UBE2R2: variants seen among roughly 807,000 people sequenced by gnomAD.
The protein encoded by UBE2R2 is ubiquitin conjugating enzyme E2 R2, also known as ubiquitin-conjugating enzyme E2 R2.
In UBE2R2, 1 loss-of-function variant was observed where a neutral mutation model predicts 27.8. The ratio of observed to expected loss-of-function variants is 0.04; its 90% CI spans 0.01 to 0.17. The LOEUF is 0.17. Ranked by LOEUF, UBE2R2 falls within the 10% of genes least tolerant of loss-of-function variation. The pLI, the probability that UBE2R2 is intolerant of heterozygous loss-of-function variation, is 1.00. For missense variants in UBE2R2, 100 were observed against 291.0 expected (o/e 0.34, Z 4.78); for synonymous variants, 106 against 113.3 (o/e 0.94, Z 0.41).
chr9:33,831,889 G>T (rs1372124768), intron 1 of UBE2R2, among the ~76,000 whole-genome samples: 1 of 151,746 alleles, frequency 6.6e-6, no homozygotes, highest in Non-Finnish European at 1.5e-5. Flanking sequence ...TCAAACTCCC[G>T]AACTCAGGTG....
chr9:33,838,938 C>T (rs887585471), intron 1 of UBE2R2, among the ~76,000 whole-genome samples: 23 of 151,678 alleles, frequency 1.5e-4, no homozygotes, highest in African/African-American at 4.8e-4. Context: ...AAAAACTAGC[C>T]GAGCATGGTG....
At chr9:33,851,520 G>A (rs151321304) in intron 1 of UBE2R2, among the ~76,000 whole-genome samples, 57 of 152,074 alleles carry the variant, frequency 3.7e-4, no homozygotes, top group African/African-American at 1.4e-3. Context: ...TTATAGTTTC[G>A]GCAGTACAGG....
intron 1 of UBE2R2, among the ~76,000 whole-genome samples, chr9:33,829,671 GT>G (rs1820401741): frequency 6.6e-6 from 1 of 151,738 alleles, no homozygotes. Context: ...TATTTTCCAA[GT>G]ATATTTAAGC....
chr9:33,850,836 A>T (rs997758629), intron 1 of UBE2R2, among the ~76,000 whole-genome samples: 3 of 152,222 alleles, frequency 2.0e-5, no homozygotes, highest in African/African-American at 7.2e-5. Flanking sequence ...ATAAAAATGG[A>T]GAGAAAGTGA....
chr9:33,833,145 A>G (rs1587430651), intron 1 of UBE2R2, among the ~76,000 whole-genome samples: 1 of 151,626 alleles, frequency 6.6e-6, no homozygotes, highest in African/African-American at 2.4e-5. Flanking sequence ...GCTCAGTGAA[A>G]CCTCCGCCTC....
rs574969860 is a variant in UBE2R2, at chr9:33,917,318, C to G, written c.*81C>G. The G allele has an allele frequency of 1.3e-6, 2 of 1,574,764 alleles. No homozygotes were observed. The highest frequency in any genetic ancestry group is 2.7e-5 in the African/African-American group (2 of 74,172). On this transcript the variant is annotated 3_prime_UTR_variant, in exon 5 of 5. Transcript: ENST00000263228. The stretch of plus-strand genomic sequence containing the variant: ...GCAAGTGGGGACCTGGCCATGGCCC[C>G]TCAGCAAAAACCTATTCACAGCGGG...
chr9:33,896,650 G>A (rs373803283), intron 2 of UBE2R2, among the ~76,000 whole-genome samples: 2 of 149,062 alleles, frequency 1.3e-5, no homozygotes, highest in African/African-American at 2.5e-5. Context: ...GGGTTTCACC[G>A]TGTTAGCCAG....
chr9:33,905,836 A>AT (rs1287207391), intron 3 of UBE2R2, among the ~76,000 whole-genome samples: 2 of 152,250 alleles, frequency 1.3e-5, no homozygotes, highest in Admixed American at 6.5e-5. Flanking sequence ...GAAATGAGAG[A>AT]TTTTAAGGAC....
intron 1 of UBE2R2, among the ~76,000 whole-genome samples, chr9:33,823,119 T>C (rs1325655604): frequency 6.6e-6 from 1 of 151,890 alleles, no homozygotes; most frequent in African/African-American, 2.4e-5. Context: ...TTGGCCAGGC[T>C]GGTCTTGAAC....
At chr9:33,882,577 C>T (rs894120135) in intron 1 of UBE2R2, among the ~76,000 whole-genome samples, 4 of 152,160 alleles carry the variant, frequency 2.6e-5, no homozygotes, top group South Asian at 4.1e-4. Context: ...GCCACCATAC[C>T]GGCCAAATAA....
At chr9:33,827,130 C>CTTA (rs925700356) in intron 1 of UBE2R2, among the ~76,000 whole-genome samples, 37 of 151,904 alleles carry the variant, frequency 2.4e-4, no homozygotes, top group Non-Finnish European at 5.0e-4. Flanking sequence ...TGGTTATTGT[C>CTTA]TTATTATTAT....
Position 33,850,114 on chromosome 9 carries a change from AGTCT to A in UBE2R2, c.177+32183_177+32186del, listed in dbSNP as rs1820931516. Among the ~76,000 whole-genome samples the A allele has an allele frequency of 2.6e-5, 4 of 152,222 alleles. No homozygotes were observed. In the South Asian group the frequency reaches 8.3e-4, roughly 32 times the overall value. ...GGACCAGAGAAACGCACTGGGCTGGAGTCTGTGACAGAGTACAGCCTTGAGAGAA... is the reference window on the plus strand; with the variant it reads ...GGACCAGAGAAACGCACTGGGCTGGAGTGACAGAGTACAGCCTTGAGAGAA... On this transcript the variant is annotated intron_variant, in intron 1 of 4. Transcript: ENST00000263228.
intron 1 of UBE2R2, among the ~76,000 whole-genome samples, chr9:33,864,818 G>A (rs942295820): frequency 3.3e-5 from 5 of 151,250 alleles, no homozygotes; most frequent in African/African-American, 1.2e-4. Flanking sequence ...TCCGCCTCCT[G>A]GGTTCAAGCA....
At chr9:33,874,157 AGGCTGGTGTTGAACTCCT>A (rs1821552511) in intron 1 of UBE2R2, among the ~76,000 whole-genome samples, 1 of 152,078 alleles carries the variant, frequency 6.6e-6, no homozygotes, top group African/African-American at 2.4e-5. Flanking sequence ...CATGTTGGCC[AGGCTGGTGTTGAACTCCT>A]GACTTCAAGT....
chr9:33,870,666 T>C lies in UBE2R2; in HGVS notation c.178-16215T>C, dbSNP rs921002742. Among the ~76,000 whole-genome samples the C allele has an allele frequency of 6.6e-5, 10 of 152,294 alleles. No individual in the cohort carries two copies. In the East Asian group the frequency reaches 1.9e-3, roughly 29 times the overall value. ...ATGGGAAAATGCTTTTTGGTAGTCA[T>C]AGATGACTGGAAAATTATCTACTCC... On this transcript the variant is annotated intron_variant, in intron 1 of 4. Coordinates refer to ENST00000263228, the MANE Select transcript of UBE2R2 (RefSeq NM_017811.4).
chr9:33,845,919 G>A (rs987383431), intron 1 of UBE2R2, among the ~76,000 whole-genome samples: 2 of 151,990 alleles, frequency 1.3e-5, no homozygotes, highest in Non-Finnish European at 2.9e-5. Context: ...GAGGTGGGCG[G>A]ATCACGAGGT....
intron 1 of UBE2R2, among the ~76,000 whole-genome samples, chr9:33,836,450 A>G (rs1226312372): frequency 5.3e-5 from 8 of 152,110 alleles, no homozygotes; most frequent in Non-Finnish European, 7.4e-5. Context: ...TGCAATCATC[A>G]CCACAGTCAA....
In UBE2R2 at chr9:33,919,021, A is replaced by AT. The variant is rs1822729432; in HGVS notation, c.*1784_*1785insT. 1 of 151,910 alleles carries AT rather than the reference A, an allele frequency of 6.6e-6. No homozygotes were observed. Among genetic ancestry groups the AT allele is most frequent in the South Asian group, 2.1e-4 (1 of 4,820 alleles). The allele number at this position is 151,910 out of a possible 1,614,324, so 9.4% of individuals were successfully genotyped here. A position where few individuals can be genotyped will look rare whatever the true frequency, so the allele number is the denominator to read the frequency against. ...GGTCTGGTATGAAATGGGACTGTTT[A>AT]ACAAGCAAGGCTCTTAGGGGACACT... On this transcript the variant is annotated 3_prime_UTR_variant, in exon 5 of 5. Coordinates refer to ENST00000263228, the MANE Select transcript of UBE2R2 (RefSeq NM_017811.4).
chr9:33,900,379 T>G, intron 3 of UBE2R2, 108 bp downstream of exon 3: 1 of 743,118 alleles, frequency 1.3e-6, no homozygotes, highest in Admixed American at 2.8e-5. Context: ...TCATCTTTCT[T>G]ATATTCAGTT....
Sources: gnomAD v4.1 joint callset for allele counts (sites outside exome capture counted in the v4.1 genomes callset) on GRCh38, gnomAD v4.1.1 for gene constraint, MANE v1.5 for transcripts, NCBI Gene and HGNC (gene_info 2026-07-23, HGNC 2026-07-21) for gene names.